BLM: variants seen among roughly 807,000 people sequenced by gnomAD.
BLM encodes recQ-like DNA helicase BLM.
A neutral mutation model predicts 135.3 loss-of-function variants in BLM; 95 were observed. The observed-to-expected ratio is 0.70, with a 90% CI of 0.59 to 0.83. BLM has a LOEUF of 0.83. BLM is among the 40% of genes least tolerant of loss of function. The pLI is 0.00. For synonymous variants in BLM, 520 were observed against 589.2 expected (o/e 0.88, Z 1.70); for missense variants, 1,518 against 1,663.9 (o/e 0.91, Z 1.53).
intron 12 of BLM, among the ~76,000 whole-genome samples, chr15:90,775,811 A>G (rs1896462111): frequency 6.6e-6 from 1 of 152,102 alleles, no homozygotes; most frequent in Admixed American, 6.6e-5. Flanking sequence ...CCCGGCCATA[A>G]GCATACATTT....
At chr15:90,736,915 G>A (rs909026021) in intron 1 of BLM, among the ~76,000 whole-genome samples, 4 of 152,214 alleles carry the variant, frequency 2.6e-5, no homozygotes, top group African/African-American at 9.6e-5. Flanking sequence ...GCAAAGGATG[G>A]AGAGGGAAGA....
Position 90,786,000 on chromosome 15 carries a change from T to TTC in BLM, c.2823+920_2823+921insCT, listed in dbSNP as rs1175306394. The stretch of plus-strand genomic sequence containing the variant: ...CATTTGGCTTGTTTCGTTTCTTTCT[T>TTC]TTTTTTTTTTTTTTTTTTTTTGAGA... On this transcript the variant is annotated intron_variant, in intron 14 of 21. Coordinates refer to ENST00000355112, the MANE Select transcript of BLM (RefSeq NM_000057.4). 4.2e-3 allele frequency among the ~76,000 whole-genome samples: 476 copies of TTC among 113,696 alleles called. 1 individual carries two copies. Among genetic ancestry groups the TTC allele is most frequent in the African/African-American group, 0.019 (457 of 24,632 alleles). 74.6% of individuals were successfully genotyped at this position (113,696 alleles called of 152,430 possible). A position where few individuals can be genotyped will look rare whatever the true frequency, so the allele number is the denominator to read the frequency against.
chr15:90,736,623 T>G (rs1895224977), intron 1 of BLM, among the ~76,000 whole-genome samples: 1 of 152,152 alleles, frequency 6.6e-6, no homozygotes. Context: ...TATTTGTAAT[T>G]GTAAAATATC....
At chr15:90,774,554 C>T (rs1467857869) in intron 12 of BLM, among the ~76,000 whole-genome samples, 1 of 151,816 alleles carries the variant, frequency 6.6e-6, no homozygotes, top group East Asian at 1.9e-4. Flanking sequence ...ACAGGTCAGG[C>T]CAGGCTCGGT....
rs182343031 is a variant in BLM, at chr15:90,792,632, T to C, written c.3020-1535T>C. ...GCAATAAGAGTCGTTGTAGTAGTAG[T>C]ATAACAATGGTAATTATTATAGATA... On this transcript the variant is annotated intron_variant, in intron 15 of 21. Coordinates refer to ENST00000355112, the MANE Select transcript of BLM (RefSeq NM_000057.4). Among the ~76,000 whole-genome samples, 152 of 152,300 alleles carry C rather than the reference T, an allele frequency of 1.0e-3. 1 individual carries two copies. The highest frequency in any genetic ancestry group is 3.3e-3 in the African/African-American group (138 of 41,532).
chr15:90,781,362 C>A (rs1463374072), intron 12 of BLM, among the ~76,000 whole-genome samples: 1 of 152,204 alleles, frequency 6.6e-6, no homozygotes, highest in Non-Finnish European at 1.5e-5. Context: ...TGGTGGCTCA[C>A]ACCTGTAATC....
chr15:90,776,317 T>C (rs1596245503), intron 12 of BLM, among the ~76,000 whole-genome samples: 1 of 152,098 alleles, frequency 6.6e-6, no homozygotes, highest in Non-Finnish European at 1.5e-5. Flanking sequence ...CTAGGAAAAA[T>C]ACCCTAAAAA....
chr15:90,741,785 G>C (rs1052140484), intron 1 of BLM, among the ~76,000 whole-genome samples: 1 of 151,988 alleles, frequency 6.6e-6, no homozygotes, highest in African/African-American at 2.4e-5. Context: ...TTCCTTTTTC[G>C]AATATTTTTG....
intron 21 of BLM, among the ~76,000 whole-genome samples, chr15:90,811,706 A>G (rs1396112136): frequency 2.6e-5 from 4 of 152,156 alleles, no homozygotes; most frequent in Non-Finnish European, 5.9e-5. Flanking sequence ...TGCCCAGGCT[A>G]GAGTGCAGTG....
intron 7 of BLM, among the ~76,000 whole-genome samples, chr15:90,761,659 G>A (rs986296943): frequency 6.6e-6 from 1 of 152,180 alleles, no homozygotes; most frequent in African/African-American, 2.4e-5. Context: ...ATACAAAGTA[G>A]AGAAGCATGT....
chr15:90,791,351 T>A (rs768980073), intron 15 of BLM, among the ~76,000 whole-genome samples: 1 of 152,214 alleles, frequency 6.6e-6, no homozygotes, highest in Non-Finnish European at 1.5e-5. Flanking sequence ...GTATTTGGTA[T>A]GTACCTTTTC....
At chr15:90,747,345 C>A in intron 1 of BLM, 44 bp from the exon 2 acceptor site, 2 of 1,440,482 alleles carry the variant, frequency 1.4e-6, no homozygotes, top group South Asian at 1.2e-5. Flanking sequence ...GTGATTAATG[C>A]AAAGTACCTA....
At chr15:90,795,969 C>A (rs1897019507) in intron 16 of BLM, among the ~76,000 whole-genome samples, 1 of 152,148 alleles carries the variant, frequency 6.6e-6, no homozygotes. Context: ...CTGCAAGAAG[C>A]TTTGGCTAGA....
intron 9 of BLM, among the ~76,000 whole-genome samples, chr15:90,766,585 G>A (rs1292983710): frequency 6.6e-6 from 1 of 151,944 alleles, no homozygotes; most frequent in African/African-American, 2.4e-5. Flanking sequence ...CTGCCACCAC[G>A]CCAGGCTAAT....
At chr15:90,802,886 T>G (rs1897195515) in intron 17 of BLM, among the ~76,000 whole-genome samples, 1 of 152,184 alleles carries the variant, frequency 6.6e-6, no homozygotes, top group Non-Finnish European at 1.5e-5. Context: ...CATGATGTGC[T>G]TACTTCACAC....
At chr15:90,802,337 CTT>C (rs1219948981) in intron 17 of BLM, among the ~76,000 whole-genome samples, 1 of 152,162 alleles carries the variant, frequency 6.6e-6, no homozygotes, top group Non-Finnish European at 1.5e-5. Flanking sequence ...CACAAGGTCT[CTT>C]AAGTAGATTG....
chr15:90,803,857 T>G (rs990027380), intron 18 of BLM, 137 bp downstream of exon 18: 1 of 989,416 alleles, frequency 1.0e-6, no homozygotes, highest in Non-Finnish European at 1.5e-6. Context: ...TATTCTGTTT[T>G]TCTTAAATTG....
At chr15:90,736,602 T>G (rs1895224152) in intron 1 of BLM, among the ~76,000 whole-genome samples, 1 of 152,194 alleles carries the variant, frequency 6.6e-6, no homozygotes, top group Non-Finnish European at 1.5e-5. Flanking sequence ...CAAAGTTATT[T>G]GTTGCAGCAT....
chr15:90,726,146 G>A (rs1280498052), intron 1 of BLM, among the ~76,000 whole-genome samples: 1 of 152,116 alleles, frequency 6.6e-6, no homozygotes, highest in Non-Finnish European at 1.5e-5. Context: ...TGTGTTGGGA[G>A]CATTCAATAT....
Sources: gnomAD v4.1 joint callset for allele counts (sites outside exome capture counted in the v4.1 genomes callset) on GRCh38, gnomAD v4.1.1 for gene constraint, MANE v1.5 for transcripts, NCBI Gene and HGNC (gene_info 2026-07-23, HGNC 2026-07-21) for gene names.